The following SYN3 variants were observed in gnomAD, a reference collection of about 807,000 sequenced individuals.
SYN3 encodes synapsin-3.
In SYN3, 35 loss-of-function variants were observed where a neutral mutation model predicts 65.8. That is an observed-to-expected ratio of 0.53 (90% CI 0.41 to 0.70). SYN3 has a LOEUF of 0.70. Ranked by LOEUF, SYN3 falls within the 30% of genes least tolerant of loss-of-function variation. SYN3 has a pLI of 0.00. For synonymous variants in SYN3, 270 were observed against 292.9 expected (o/e 0.92, Z 0.80); for missense variants, 680 against 749.0 (o/e 0.91, Z 1.08).
chr22:32,682,087 AG>A (rs1345220776), intron 6 of SYN3, among the ~76,000 whole-genome samples: 4 of 82,350 alleles, frequency 4.9e-5, no homozygotes, highest in Non-Finnish European at 1.4e-4. Flanking sequence ...GGGGTTGCAG[AG>A]GGTGGAGAGG....
chr22:32,692,491 G>A (rs2060678673), intron 6 of SYN3, among the ~76,000 whole-genome samples: 1 of 152,206 alleles, frequency 6.6e-6, no homozygotes, highest in Non-Finnish European at 1.5e-5. Flanking sequence ...CAGGCCCTGG[G>A]ACGAGCAGAC....
chr22:33,039,697 C>T lies in SYN3; in HGVS notation c.-163+18595G>A, dbSNP rs556896358. 1.1e-4 allele frequency among the ~76,000 whole-genome samples: 17 copies of T among 152,216 alleles called. No individual in the cohort carries two copies. In the East Asian group the frequency reaches 1.4e-3, roughly 12 times the overall value. On this transcript the variant is annotated intron_variant, in intron 1 of 13. Coordinates refer to ENST00000358763, the MANE Select transcript of SYN3 (RefSeq NM_003490.4). ...CTGGGATTACGGGCGTGAGCCACCG[C>T]GCCTGGCCTCAAATGTCACCTTTTT... is the stretch of plus-strand genomic sequence containing the variant.
chr22:33,007,444 G>A lies in SYN3; in HGVS notation c.-162-620C>T, dbSNP rs73162059. 5.8e-3 allele frequency among the ~76,000 whole-genome samples: 881 copies of A among 152,106 alleles called. 7 individuals are homozygous for A. Among genetic ancestry groups the A allele is most frequent in the South Asian group, 0.028 (135 of 4,810 alleles). On this transcript the variant is annotated intron_variant, in intron 1 of 13. Coordinates refer to ENST00000358763, the MANE Select transcript of SYN3 (RefSeq NM_003490.4). ...AGTGCTTATTACTATGGACCGGCAT[G>A]TCCCCCACCTCACCAAATTTATATG...
intron 6 of SYN3, among the ~76,000 whole-genome samples, chr22:32,753,256 A>ACAGATC (rs1386549414): frequency 6.6e-6 from 1 of 152,160 alleles, no homozygotes; most frequent in African/African-American, 2.4e-5. Flanking sequence ...GCCTGCAGAT[A>ACAGATC]CAGATCCCAT....
chr22:32,752,629 G>C (rs2045164761), intron 6 of SYN3, among the ~76,000 whole-genome samples: 1 of 152,178 alleles, frequency 6.6e-6, no homozygotes, highest in Non-Finnish European at 1.5e-5. Flanking sequence ...GCCTCATCTT[G>C]TTTCACCCTC....
intron 4 of SYN3, among the ~76,000 whole-genome samples, chr22:32,895,949 G>A (rs2049580986): frequency 6.6e-6 from 1 of 152,090 alleles, no homozygotes. Flanking sequence ...TAGGGTTGTT[G>A]GGAAGATTGA....
chr22:32,973,449 T>C (rs775908596), intron 3 of SYN3, among the ~76,000 whole-genome samples: 3 of 152,024 alleles, frequency 2.0e-5, no homozygotes, highest in Admixed American at 6.5e-5. Flanking sequence ...TAATAAAGGT[T>C]ATCTCCTATA....
chr22:32,883,694 A>G, intron 4 of SYN3, among the ~76,000 whole-genome samples: 1 of 152,262 alleles, frequency 6.6e-6, no homozygotes, highest in South Asian at 2.1e-4. Flanking sequence ...AAAAAAAGAT[A>G]GCTGCTACCA....
At chr22:32,787,769 T>A (rs554130820) in intron 6 of SYN3, among the ~76,000 whole-genome samples, 1 of 152,240 alleles carries the variant, frequency 6.6e-6, no homozygotes, top group South Asian at 2.1e-4. Flanking sequence ...CCTGGGAGGC[T>A]CCAGTGACTG....
At chr22:32,916,988 TC>T (rs1169878959) in intron 4 of SYN3, among the ~76,000 whole-genome samples, 1 of 152,074 alleles carries the variant, frequency 6.6e-6, no homozygotes, top group African/African-American at 2.4e-5. Context: ...CCAACTCTTC[TC>T]CCCATGAGGC....
At chr22:32,652,916 G>A (rs2060093200) in intron 6 of SYN3, among the ~76,000 whole-genome samples, 2 of 152,120 alleles carry the variant, frequency 1.3e-5, no homozygotes, top group South Asian at 2.1e-4. Flanking sequence ...TTCTCCCTAC[G>A]TTTTCAGTTC....
chr22:32,921,484 T>C (rs2050332825), intron 4 of SYN3, among the ~76,000 whole-genome samples: 1 of 152,108 alleles, frequency 6.6e-6, no homozygotes. Flanking sequence ...AGACTGAGTG[T>C]CCACTCACGC....
intron 7 of SYN3, among the ~76,000 whole-genome samples, chr22:32,550,737 G>A (rs977104792): frequency 6.6e-6 from 1 of 151,626 alleles, no homozygotes; most frequent in Non-Finnish European, 1.5e-5. Flanking sequence ...TTAGCACCCA[G>A]ATTGTGGTCT....
intron 3 of SYN3, among the ~76,000 whole-genome samples, chr22:32,961,180 G>A (rs1343210256): frequency 1.3e-5 from 2 of 152,176 alleles, no homozygotes; most frequent in Non-Finnish European, 2.9e-5. Context: ...GATCTCCCCT[G>A]TTGTGACAAC....
intron 6 of SYN3, among the ~76,000 whole-genome samples, chr22:32,791,782 C>T (rs183306952): frequency 1.2e-4 from 18 of 152,042 alleles, no homozygotes; most frequent in Admixed American, 5.9e-4. Flanking sequence ...ATGGCTTTTG[C>T]TATAAGAACT....
At chr22:32,960,205 GA>G (rs1272771817) in intron 3 of SYN3, among the ~76,000 whole-genome samples, 1 of 152,120 alleles carries the variant, frequency 6.6e-6, no homozygotes, top group Non-Finnish European at 1.5e-5. Context: ...AGCTTGCCTG[GA>G]GCACGCCCTC....
At chr22:32,883,237 T>C (rs1443668148) in intron 4 of SYN3, among the ~76,000 whole-genome samples, 1 of 152,170 alleles carries the variant, frequency 6.6e-6, no homozygotes, top group Non-Finnish European at 1.5e-5. Context: ...GGCAGTAATT[T>C]TTAGGACCAT....
intron 3 of SYN3, among the ~76,000 whole-genome samples, chr22:32,947,119 C>G (rs1370341469): frequency 6.6e-6 from 1 of 152,128 alleles, no homozygotes; most frequent in African/African-American, 2.4e-5. Flanking sequence ...TGACACTGAC[C>G]CAGTGTATGG....
chr22:32,630,532 C>T (rs2059733299), intron 6 of SYN3, among the ~76,000 whole-genome samples: 1 of 152,228 alleles, frequency 6.6e-6, no homozygotes, highest in South Asian at 2.1e-4. Context: ...CTGCCCTGAT[C>T]TGGTCCTTTC....
Sources: allele counts gnomAD v4.1 joint callset (sites outside exome capture counted in the v4.1 genomes callset), GRCh38; gene constraint gnomAD v4.1.1; transcripts MANE v1.5; gene names NCBI Gene and HGNC (gene_info 2026-07-23, HGNC 2026-07-21).